The following CADM2 variants were observed in gnomAD, a reference collection of about 807,000 sequenced individuals.
CADM2 encodes immunoglobulin superfamily member 4D.
A neutral mutation model predicts 49.8 loss-of-function variants in CADM2; 12 were observed. The ratio of observed to expected loss-of-function variants is 0.24; its 90% CI spans 0.15 to 0.39. The LOEUF (loss-of-function observed/expected upper bound fraction) is 0.39. CADM2 is among the 10% of genes least tolerant of loss of function. CADM2 has a pLI of 1.00. For synonymous variants in CADM2, 214 were observed against 175.4 expected, an observed-to-expected ratio of 1.22 and a Z score of -1.74; for missense variants, 378 against 492.3, an observed-to-expected ratio of 0.77 and a Z score of 2.20.
intron 1 of CADM2, among the ~76,000 whole-genome samples, chr3:85,468,212 T>C (rs1431345670): frequency 6.7e-6 from 1 of 148,636 alleles, no homozygotes; most frequent in East Asian, 2.0e-4. Context: ...TATCGATTCC[T>C]GGCTGAGACC....
chr3:85,396,595 CA>C (rs2034804931), intron 1 of CADM2, among the ~76,000 whole-genome samples: 3 of 151,844 alleles, frequency 2.0e-5, no homozygotes, highest in Admixed American at 2.0e-4. Flanking sequence ...TGATTTTTTG[CA>C]TTACTCATTA....
intron 1 of CADM2, among the ~76,000 whole-genome samples, chr3:85,012,318 CTTT>C (rs112790100): frequency 7.0e-6 from 1 of 142,106 alleles, no homozygotes; most frequent in Non-Finnish European, 1.6e-5. Flanking sequence ...TTGCAAAATG[CTTT>C]TTTTTTTTTT....
At chr3:85,666,372 A>G (rs768736552) in intron 1 of CADM2, among the ~76,000 whole-genome samples, 5 of 151,892 alleles carry the variant, frequency 3.3e-5, no homozygotes, top group African/African-American at 7.3e-5. Context: ...CAGCCCCAAT[A>G]TCTCTATCAG....
At position 85,518,138 on chromosome 3, in the gene CADM2, G is replaced by A. The variant is rs769260893; in HGVS notation, c.62-208384G>A. Among the ~76,000 whole-genome samples the A allele has an allele frequency of 3.9e-5, 6 of 152,032 alleles. 1 individual carries two copies. The highest frequency in any genetic ancestry group is 7.4e-5 in the Non-Finnish European group (5 of 67,964). ...TCTCCTGCCTGGAGACTACAGGTGC[G>A]CACCACCATACCTGCCTAAGTTTCA... is the stretch of plus-strand genomic sequence containing the variant. On this transcript the variant is annotated intron_variant, in intron 1 of 9. Coordinates refer to ENST00000383699, the MANE Select transcript of CADM2 (RefSeq NM_001167675.2).
In CADM2 at chr3:86,041,217, A is replaced by T. The variant is rs2107241504; in HGVS notation, c.971-24388A>T. On this transcript the variant is annotated intron_variant, in intron 8 of 9. Transcript: ENST00000383699. ...GCTAACATCATAATGACAGGATCAA[A>T]TTCACACATAACAATATTAATCTTA... Among the ~76,000 whole-genome samples, 3 of 152,372 alleles carry T rather than the reference A, an allele frequency of 2.0e-5. No individual in the cohort carries two copies. In the Middle Eastern group the frequency reaches 0.01, roughly 518 times the overall value.
At chr3:85,945,551 C>A (rs918958284) in intron 7 of CADM2, among the ~76,000 whole-genome samples, 12 of 152,086 alleles carry the variant, frequency 7.9e-5, no homozygotes, top group Non-Finnish European at 1.6e-4. Context: ...CAAACCAAAT[C>A]CAGCAGCACA....
At chr3:85,634,366 A>G (rs2064396864) in intron 1 of CADM2, among the ~76,000 whole-genome samples, 2 of 151,992 alleles carry the variant, frequency 1.3e-5, no homozygotes, top group East Asian at 3.9e-4. Flanking sequence ...ACTGAACTGA[A>G]GACATTGCCT....
chr3:85,416,342 A>G (rs2035919796), intron 1 of CADM2, among the ~76,000 whole-genome samples: 1 of 152,122 alleles, frequency 6.6e-6, no homozygotes, highest in Non-Finnish European at 1.5e-5. Flanking sequence ...AATTATATTT[A>G]TTTATACAAT....
At chr3:85,642,161 A>G (rs762752409) in intron 1 of CADM2, among the ~76,000 whole-genome samples, 2 of 152,208 alleles carry the variant, frequency 1.3e-5, no homozygotes, top group Non-Finnish European at 2.9e-5. Context: ...GTCTCCTCAT[A>G]CTTAGATAGA....
At chr3:85,260,433 AT>A (rs2042990734) in intron 1 of CADM2, among the ~76,000 whole-genome samples, 1 of 152,142 alleles carries the variant, frequency 6.6e-6, no homozygotes, top group Admixed American at 6.6e-5. Context: ...TAGGATATTT[AT>A]TTCATCTAGA....
Position 86,010,148 on chromosome 3 carries a change from C to A in CADM2, c.970+48501C>A, listed in dbSNP as rs540168023. On this transcript the variant is annotated intron_variant, in intron 8 of 9. Coordinates refer to ENST00000383699, the MANE Select transcript of CADM2 (RefSeq NM_001167675.2). ...AATTACAAAGATAGTTATTTGAAAC[C>A]ACATATGTAATATTACATATTGGAA... Among the ~76,000 whole-genome samples, 8 of 151,856 alleles carry A rather than the reference C, an allele frequency of 5.3e-5. No individual in the cohort carries two copies. In the South Asian group the frequency reaches 1.7e-3, roughly 32 times the overall value.
intron 1 of CADM2, among the ~76,000 whole-genome samples, chr3:85,232,574 A>G (rs997073111): frequency 2.6e-5 from 4 of 152,218 alleles, no homozygotes; most frequent in Admixed American, 1.3e-4. Flanking sequence ...AAATGTAACA[A>G]TAAGAAGACA....
At chr3:85,047,337 C>T (rs761432883) in intron 1 of CADM2, among the ~76,000 whole-genome samples, 37 of 152,098 alleles carry the variant, frequency 2.4e-4, no homozygotes, top group African/African-American at 8.0e-4. Context: ...CAAATCCTGA[C>T]GGTAGGTTCT....
chr3:86,021,445 A>T (rs897486863), intron 8 of CADM2, among the ~76,000 whole-genome samples: 8 of 152,318 alleles, frequency 5.3e-5, no homozygotes, highest in African/African-American at 1.9e-4. Context: ...TCATTAGTGT[A>T]GACATGGCTT....
At chr3:85,346,856 C>T (rs867408815) in intron 1 of CADM2, among the ~76,000 whole-genome samples, 1 of 152,092 alleles carries the variant, frequency 6.6e-6, no homozygotes, top group Non-Finnish European at 1.5e-5. Context: ...TTGCTTAAAA[C>T]AGCATTCACA....
intron 1 of CADM2, among the ~76,000 whole-genome samples, chr3:85,290,134 G>A (rs1031729427): frequency 4.6e-5 from 7 of 152,168 alleles, no homozygotes; most frequent in African/African-American, 1.4e-4. Context: ...CTTGGGAAGC[G>A]CAAGGGGTCA....
chr3:86,000,264 G>A (rs1435087359), intron 8 of CADM2, among the ~76,000 whole-genome samples: 1 of 152,140 alleles, frequency 6.6e-6, no homozygotes, highest in Admixed American at 6.5e-5. Flanking sequence ...TAGAAAATTA[G>A]CATGGAGGGT....
At chr3:85,448,487 T>C (rs2037582440) in intron 1 of CADM2, among the ~76,000 whole-genome samples, 1 of 152,060 alleles carries the variant, frequency 6.6e-6, no homozygotes, top group South Asian at 2.1e-4. Flanking sequence ...AAACAAATAA[T>C]TGAAAAGTTA....
chr3:84,991,707 A>G (rs1466479979), intron 1 of CADM2, among the ~76,000 whole-genome samples: 2 of 152,224 alleles, frequency 1.3e-5, no homozygotes, highest in Non-Finnish European at 2.9e-5. Context: ...ATGGATGTTT[A>G]TAGCAGTTTT....
Sources: allele counts gnomAD v4.1 joint callset (sites outside exome capture counted in the v4.1 genomes callset), GRCh38; gene constraint gnomAD v4.1.1; transcripts MANE v1.5; gene names NCBI Gene and HGNC (gene_info 2026-07-23, HGNC 2026-07-21).